RGS9: variants seen among roughly 807,000 people sequenced by gnomAD.
RGS9 encodes the protein regulator of G-protein signalling 9.
Under a neutral mutation model 102.0 loss-of-function variants are expected in RGS9, and 78 were observed. That is an observed-to-expected ratio of 0.76 (90% confidence interval 0.64 to 0.92). The LOEUF is 0.92. Ranked by LOEUF, RGS9 falls within the 40% of genes least tolerant of loss-of-function variation. The pLI is 0.00. For synonymous variants in RGS9, 353 were observed against 318.6 expected (o/e 1.11, Z -1.15); for missense variants, 833 against 866.1 (o/e 0.96, Z 0.48).
intron 1 of RGS9, among the ~76,000 whole-genome samples, chr17:65,145,609 G>T (rs921197795): frequency 2.0e-5 from 3 of 151,180 alleles, no homozygotes; most frequent in African/African-American, 7.3e-5. Flanking sequence ...TGGCCAGGCT[G>T]GTCTCGAACT....
intron 9 of RGS9, chr17:65,188,617 C>T (rs1234510897): frequency 6.6e-6 from 1 of 152,580 alleles, no homozygotes; most frequent in Non-Finnish European, 1.5e-5. Context: ...TTCTCTCTCT[C>T]TTTTTTCTTT....
chr17:65,218,803 T>C (rs955975542), intron 17 of RGS9, among the ~76,000 whole-genome samples: 2 of 152,242 alleles, frequency 1.3e-5, no homozygotes, highest in African/African-American at 2.4e-5. Context: ...CTATCTGTTA[T>C]GACCACTCAA....
intron 9 of RGS9, 32 bp downstream of exon 9, chr17:65,177,835 C>T (rs144032342): frequency 1.3e-6 from 2 of 1,587,814 alleles, no homozygotes; most frequent in South Asian, 2.2e-5. Flanking sequence ...TGGGTAGGGC[C>T]TAGGTCGGAT....
chr17:65,198,760 T>C (rs916449955), intron 13 of RGS9, among the ~76,000 whole-genome samples: 3 of 152,250 alleles, frequency 2.0e-5, no homozygotes, highest in Non-Finnish European at 4.4e-5. Flanking sequence ...GATCCACTTG[T>C]CTGTGGCACT....
At chr17:65,168,740 C>T (rs1470142766) in intron 8 of RGS9, among the ~76,000 whole-genome samples, 4 of 152,036 alleles carry the variant, frequency 2.6e-5, no homozygotes, top group Non-Finnish European at 4.4e-5. Context: ...ATCCAGTTCC[C>T]AGCAGCTGAG....
At chr17:65,216,695 C>T (rs892616256) in intron 17 of RGS9, among the ~76,000 whole-genome samples, 3 of 152,154 alleles carry the variant, frequency 2.0e-5, no homozygotes, top group African/African-American at 7.2e-5. Context: ...AGTCCCAACA[C>T]GAGGTTGAAA....
chr17:65,208,977 T>G (rs183017558), intron 16 of RGS9, among the ~76,000 whole-genome samples: 49 of 152,324 alleles, frequency 3.2e-4, no homozygotes, highest in Admixed American at 1.1e-3. Context: ...GGGAGTTCAG[T>G]GCCCCTGGGG....
At chr17:65,225,819 G>C (rs1229976095) in intron 18 of RGS9, among the ~76,000 whole-genome samples, 1 of 152,224 alleles carries the variant, frequency 6.6e-6, no homozygotes, top group Non-Finnish European at 1.5e-5. Context: ...CATCTGTAAA[G>C]AGCAGGAAAG....
chr17:65,209,119 G>A (rs1396969761), intron 16 of RGS9, among the ~76,000 whole-genome samples: 2 of 152,164 alleles, frequency 1.3e-5, no homozygotes, highest in Admixed American at 6.5e-5. Flanking sequence ...TGGGGCAGAC[G>A]TGAGAATTCT....
chr17:65,140,023 A>C (rs409583), intron 1 of RGS9, among the ~76,000 whole-genome samples: 1 of 151,950 alleles, frequency 6.6e-6, no homozygotes, highest in Non-Finnish European at 1.5e-5. Context: ...CACGGTGTCC[A>C]TGATGGTGTG....
chr17:65,199,940 T>C (rs1293819155), intron 13 of RGS9, among the ~76,000 whole-genome samples: 1 of 152,270 alleles, frequency 6.6e-6, no homozygotes, highest in Non-Finnish European at 1.5e-5. Context: ...TTAGCTGTTA[T>C]GAATAATGCT....
At chr17:65,185,289 G>A (rs1285743604) in intron 9 of RGS9, 1 of 152,238 alleles carries the variant, frequency 6.6e-6, no homozygotes, top group Non-Finnish European at 1.5e-5. Flanking sequence ...CTAAACGGCT[G>A]AGGCACAGAC....
At chr17:65,170,533 A>G (rs1911375012) in intron 8 of RGS9, among the ~76,000 whole-genome samples, 1 of 152,150 alleles carries the variant, frequency 6.6e-6, no homozygotes, top group Admixed American at 6.5e-5. Flanking sequence ...CAACCCCTGC[A>G]CCTTAGCCCT....
In RGS9 at chr17:65,223,495, C is replaced by T. The variant is rs374931806; in HGVS notation, c.1408-1507C>T. ...AGAGCTGTTCTTGGGTGCGCCTGCC[C>T]TTCCCTGTTCAGGCTGGGACCTGCC... On this transcript the variant is annotated intron_variant, in intron 17 of 18. Transcript: ENST00000262406. Among the ~76,000 whole-genome samples, 235 of 152,382 alleles carry T rather than the reference C, an allele frequency of 1.5e-3. 1 individual carries two copies. Among genetic ancestry groups the T allele is most frequent in the African/African-American group, 5.2e-3 (218 of 41,602 alleles).
At chr17:65,144,007 A>G (rs1390432616) in intron 1 of RGS9, among the ~76,000 whole-genome samples, 2 of 151,928 alleles carry the variant, frequency 1.3e-5, no homozygotes, top group Non-Finnish European at 2.9e-5. Context: ...GTCACCTGGA[A>G]CGATTCCCAG....
At chr17:65,181,594 G>A (rs577196567) in intron 9 of RGS9, among the ~76,000 whole-genome samples, 4 of 152,310 alleles carry the variant, frequency 2.6e-5, no homozygotes, top group South Asian at 2.1e-4. Context: ...TGAGGCATAC[G>A]GAACCCCCAA....
At chr17:65,175,378 C>T (rs1177829311) in intron 8 of RGS9, among the ~76,000 whole-genome samples, 1 of 152,116 alleles carries the variant, frequency 6.6e-6, no homozygotes, top group Non-Finnish European at 1.5e-5. Flanking sequence ...CAGGGGGCAA[C>T]TCCTAGAACC....
intron 16 of RGS9, among the ~76,000 whole-genome samples, chr17:65,209,829 G>A (rs1047226985): frequency 6.6e-6 from 1 of 152,190 alleles, no homozygotes; most frequent in Non-Finnish European, 1.5e-5. Flanking sequence ...TGTAATCCCA[G>A]CACTTTGGGA....
chr17:65,206,656 G>A (rs1258753335), intron 15 of RGS9, among the ~76,000 whole-genome samples: 1 of 152,122 alleles, frequency 6.6e-6, no homozygotes, highest in Non-Finnish European at 1.5e-5. Context: ...CGGCCTGGGC[G>A]AAAGAGTGAA....
Sources: gnomAD v4.1 joint callset for allele counts (sites outside exome capture counted in the v4.1 genomes callset) on GRCh38, gnomAD v4.1.1 for gene constraint, MANE v1.5 for transcripts, NCBI Gene and HGNC (gene_info 2026-07-23, HGNC 2026-07-21) for gene names.